Variants in FMNL3 observed in about 807,000 individuals in gnomAD.
The protein encoded by FMNL3 is formin like 3, also known as formin-like protein 3.
A neutral mutation model predicts 119.6 loss-of-function variants in FMNL3; 57 were observed. The observed-to-expected ratio is 0.48, with a 90% CI of 0.39 to 0.59. The LOEUF (loss-of-function observed/expected upper bound fraction) is 0.59, where lower values mean the gene tolerates loss of function less well. FMNL3 is among the 20% of genes least tolerant of loss of function. The probability of loss-of-function intolerance (pLI) is 0.00; values close to 1 mark genes in which losing one functional copy is unlikely to be tolerated. For missense variants in FMNL3, 1,053 were observed against 1,323.5 expected, an observed-to-expected ratio of 0.80 and a Z score of 3.17; for synonymous variants, 491 against 507.3, an observed-to-expected ratio of 0.97 and a Z score of 0.43.
intron 1 of FMNL3, among the ~76,000 whole-genome samples, chr12:49,691,328 G>A (rs147490110): frequency 8.5e-5 from 13 of 152,202 alleles, no homozygotes; most frequent in African/African-American, 2.9e-4. Context: ...AGAACCTAGA[G>A]AAAATGATTG....
intron 1 of FMNL3, among the ~76,000 whole-genome samples, chr12:49,705,946 A>G (rs12314036): frequency 0.022 from 3,389 of 152,328 alleles, 134 homozygotes; most frequent in African/African-American, 0.078. Flanking sequence ...ATGAAATCCA[A>G]TAAGGCTGCT....
chr12:49,685,746 T>G (rs1944440629), intron 1 of FMNL3, among the ~76,000 whole-genome samples: 2 of 152,236 alleles, frequency 1.3e-5, no homozygotes, highest in African/African-American at 4.8e-5. Flanking sequence ...GATCTCTGAT[T>G]CAAGAAGTTA....
In FMNL3 at chr12:49,647,768, T is replaced by A; in HGVS notation, c.2713A>T (p.Ser905Cys). 6.2e-7 allele frequency: 1 copy of A among 1,613,712 alleles called. No individual in the cohort carries two copies. Among genetic ancestry groups the A allele is most frequent in the Non-Finnish European group, 8.5e-7 (1 of 1,179,864 alleles). The part of the protein sequence containing the change: ...YNAVVRYFGE[S>C]PKTTPPSVFF... Reference sequence around the variant, plus strand: ...ACAGAAGGAGGTGTAGTCTTGGGACTCTCGCCAAAGTAGCGCACAACTGCA... The same window carrying A: ...ACAGAAGGAGGTGTAGTCTTGGGACACTCGCCAAAGTAGCGCACAACTGCA... Residue 905 changes from serine (S) to cysteine (C), a missense_variant, in exon 23 of 26, where the codon AGT (serine) becomes TGT (cysteine). Ser to Cys is a moderately radical substitution (Grantham distance 112). Transcript: ENST00000335154. The surrounding 1 kb of genome is among the most constrained non-coding windows in gnomAD (Gnocchi z 4.9).
chr12:49,656,341 A>G (rs1943567880), intron 9 of FMNL3, 63 bp downstream of exon 9: 1 of 1,369,752 alleles, frequency 7.3e-7, no homozygotes, highest in South Asian at 1.3e-5. Flanking sequence ...GTGCTTACCA[A>G]CCTAGCTCCC....
Position 49,707,135 on chromosome 12 carries a change from AG to A in FMNL3, c.45del (p.Ser16LeufsTer27). On this transcript the variant is annotated frameshift_variant, in exon 1 of 26. Coordinates refer to ENST00000335154, the MANE Select transcript of FMNL3 (RefSeq NM_175736.5). LOFTEE classifies it high-confidence loss of function. ...CCGGGCGGCAGCAACAACGGGACAGAGGGGGGCTCTCCCGGGACCCCCTCGG... is the reference window on the plus strand; with the variant it reads ...CCGGGCGGCAGCAACAACGGGACAGAGGGGGCTCTCCCGGGACCCCCTCGG... Reference protein sequence around the residue: ...ESAEGVPGEPPSVPLLLPPGK... With the variant: ...ESAEGVPGEPXSVPLLLPPGK... The A allele has an allele frequency of 6.2e-7, 1 of 1,600,338 alleles. No homozygotes were observed. The highest frequency in any genetic ancestry group is 2.3e-5 in the East Asian group (1 of 43,318).
At position 49,647,653 on chromosome 12, in the gene FMNL3, C is replaced by A; in HGVS notation, c.2778+50G>T. 1 of 1,526,760 alleles carries A rather than the reference C, an allele frequency of 6.5e-7. No homozygotes were observed. Among genetic ancestry groups the A allele is most frequent in the Non-Finnish European group, 9.1e-7 (1 of 1,101,836 alleles). 94.6% of individuals were successfully genotyped at this position (1,526,760 alleles called of 1,614,324 possible). A position where few individuals can be genotyped will look rare whatever the true frequency, so the allele number is the denominator to read the frequency against. ...ACTTTAAGCCCAGGCTTCTCTCCCC[C>A]AGCCAGTTTTCTCGCAACCAAACTT... On this transcript the variant is annotated intron_variant, in intron 23 of 25. Transcript: ENST00000335154. This position sits in a 1 kb window ranked among gnomAD's most constrained non-coding sequence, Gnocchi z 4.9.
chr12:49,647,212 T>G lies in FMNL3; in HGVS notation c.2871+64A>C. Reference sequence around the variant, plus strand: ...CAAGTTTTCATCTCCTCTAGCCTTCTGACCCCCAGCCCCCACTCTTTTGCC... The same window carrying G: ...CAAGTTTTCATCTCCTCTAGCCTTCGGACCCCCAGCCCCCACTCTTTTGCC... On this transcript the variant is annotated intron_variant, in intron 24 of 25. Transcript: ENST00000335154. The surrounding 1 kb of genome is among the most constrained non-coding windows in gnomAD (Gnocchi z 4.9). 1 of 1,597,926 alleles carries G rather than the reference T, an allele frequency of 6.3e-7. No individual in the cohort carries two copies. The highest frequency in any genetic ancestry group is 1.1e-5 in the South Asian group (1 of 90,672).
At chr12:49,656,740 G>T in intron 8 of FMNL3, 83 bp downstream of exon 8, 2 of 1,351,132 alleles carry the variant, frequency 1.5e-6, no homozygotes, top group Non-Finnish European at 2.1e-6. Context: ...CCAAGGCCAG[G>T]CAGAACTTGT....
At chr12:49,653,941 A>G in intron 11 of FMNL3, 67 bp from the exon 12 acceptor site, 1 of 1,577,660 alleles carries the variant, frequency 6.3e-7, no homozygotes, top group Non-Finnish European at 8.6e-7. Flanking sequence ...ACTTTCTGAG[A>G]AAGTCTTAGT....
chr12:49,644,280 C>T lies in FMNL3; in HGVS notation c.*1535G>A. 2.8e-6 allele frequency: 4 copies of T among 1,448,568 alleles called. No homozygotes were observed. The highest frequency in any genetic ancestry group is 3.8e-6 in the Non-Finnish European group (4 of 1,041,746). The allele number at this position is 1,448,568 out of a possible 1,614,324, so 89.7% of individuals were successfully genotyped here. A position where few individuals can be genotyped will look rare whatever the true frequency, so the allele number is the denominator to read the frequency against. ...GTCTGCCTCAGACTTCTTCCTTAGTCTGGTCTGTGTCCACTTTTTCTAAAG... is the reference window on the plus strand; with the variant it reads ...GTCTGCCTCAGACTTCTTCCTTAGTTTGGTCTGTGTCCACTTTTTCTAAAG... On this transcript the variant is annotated 3_prime_UTR_variant, in exon 26 of 26. Coordinates refer to ENST00000335154, the MANE Select transcript of FMNL3 (RefSeq NM_175736.5).
At chr12:49,675,694 T>C (rs1944167189) in intron 1 of FMNL3, among the ~76,000 whole-genome samples, 1 of 152,200 alleles carries the variant, frequency 6.6e-6, no homozygotes, top group Non-Finnish European at 1.5e-5. Flanking sequence ...CTACTTCCAA[T>C]ACTTTCCTCC....
intron 1 of FMNL3, among the ~76,000 whole-genome samples, chr12:49,704,710 C>CAAAAA (rs59799899): frequency 7.9e-5 from 3 of 37,776 alleles, no homozygotes; most frequent in Non-Finnish European, 7.7e-5. Flanking sequence ...AACTCCATCT[C>CAAAAA]AAAAAAAAAA....
chr12:49,655,132 C>A, intron 9 of FMNL3, 148 bp from the exon 10 acceptor site: 1 of 689,884 alleles, frequency 1.4e-6, no homozygotes, highest in Admixed American at 3.1e-5. Context: ...ATTCTGGACA[C>A]TATAAAAGAA....
At position 49,656,391 on chromosome 12, in the gene FMNL3, C is replaced by T. The variant is rs369953291; in HGVS notation, c.885+13G>A. The T allele has an allele frequency of 2.6e-5, 42 of 1,611,064 alleles. No individual in the cohort carries two copies. The highest frequency in any genetic ancestry group is 1.1e-4 in the East Asian group (5 of 44,884). ...CAAACACACACACACACACGCGAAG[C>T]GAAAAGACTGACCTCTTTGAAATTG... is the stretch of plus-strand genomic sequence containing the variant. On this transcript the variant is annotated intron_variant, in intron 9 of 25. Transcript: ENST00000335154.
At chr12:49,689,053 G>C (rs114810326) in intron 1 of FMNL3, among the ~76,000 whole-genome samples, 3,387 of 152,266 alleles carry the variant, frequency 0.022, 133 homozygotes, top group African/African-American at 0.078. Context: ...AGGAATTCAA[G>C]GCTGCAGTGA....
Position 49,637,813 on chromosome 12 carries a change from G to A in FMNL3, c.*8002C>T. 1.9e-6 allele frequency: 3 copies of A among 1,608,858 alleles called. No homozygotes were observed. The highest frequency in any genetic ancestry group is 2.2e-5 in the East Asian group (1 of 44,862). On this transcript the variant is annotated 3_prime_UTR_variant, in exon 26 of 26. Transcript: ENST00000335154. Reference sequence around the variant, plus strand: ...CCATGATGAAAAGAAGATCATTAAGGACATCCTTAAGGTGAGGGAGGCTGG... The same window carrying A: ...CCATGATGAAAAGAAGATCATTAAGAACATCCTTAAGGTGAGGGAGGCTGG...
In FMNL3 at chr12:49,642,281, A is replaced by G. The variant is rs144093609; in HGVS notation, c.*3534T>C. 1 of 1,614,044 alleles carries G rather than the reference A, an allele frequency of 6.2e-7. No individual in the cohort carries two copies. The highest frequency in any genetic ancestry group is 8.5e-7 in the Non-Finnish European group (1 of 1,180,042). ...CGGGAGAGGGAGCGGGAGAAGGAGG[A>G]GGCACGCAGGATGCGGCGCAGGGAA... On this transcript the variant is annotated 3_prime_UTR_variant, in exon 26 of 26. Transcript: ENST00000335154. This position sits in a 1 kb window ranked among gnomAD's most constrained non-coding sequence, Gnocchi z 5.8.
At chr12:49,694,428 C>T (rs1014209650) in intron 1 of FMNL3, among the ~76,000 whole-genome samples, 15 of 152,126 alleles carry the variant, frequency 9.9e-5, no homozygotes, top group African/African-American at 2.9e-4. Flanking sequence ...ATGCACCTTC[C>T]GTCACATGTG....
chr12:49,707,072 T>G lies in FMNL3; in HGVS notation c.109A>C (p.Arg37=), dbSNP rs1179360563. 1 of 1,589,588 alleles carries G rather than the reference T, an allele frequency of 6.3e-7. No homozygotes were observed. Among genetic ancestry groups the G allele is most frequent in the Non-Finnish European group, 8.6e-7 (1 of 1,169,450 alleles). ...GCTCTCACCAGCACCAGGGCGAACC[T>G]TTCCTCCAGCTCACAGGGCTCAGGC... The part of the protein sequence containing the change: ...PMPEPCELEE[R]FALVLSSMNL... The change falls in exon 1 of 26, where the codon AGG becomes CGG. Residue 37 remains arginine (R), a synonymous_variant. Coordinates refer to ENST00000335154, the MANE Select transcript of FMNL3 (RefSeq NM_175736.5).
Sources: allele counts gnomAD v4.1 joint callset (sites outside exome capture counted in the v4.1 genomes callset), GRCh38; gene constraint gnomAD v4.1.1; non-coding constraint Gnocchi (gnomAD v3.1); transcripts MANE v1.5; gene names NCBI Gene and HGNC (gene_info 2026-07-23, HGNC 2026-07-21).